RBFOX1: variants seen among roughly 807,000 people sequenced by gnomAD.
RBFOX1 encodes RNA binding fox-1 homolog 1, also known as RNA binding protein fox-1 homolog 1.
A neutral mutation model predicts 57.7 loss-of-function variants in RBFOX1; 8 were observed. The observed-to-expected ratio is 0.14, with a 90% confidence interval of 0.08 to 0.25. RBFOX1 has a LOEUF of 0.25. RBFOX1 is among the 10% of genes least tolerant of loss of function. The probability of loss-of-function intolerance (pLI) is 1.00; values close to 1 mark genes in which losing one functional copy is unlikely to be tolerated. For missense variants in RBFOX1, 611 were observed against 548.5 expected (o/e 1.11, Z -1.14); for synonymous variants, 326 against 222.4 (o/e 1.47, Z -4.15).
intron 1 of RBFOX1, among the ~76,000 whole-genome samples, chr16:6,041,903 G>A (rs962227698): frequency 1.3e-5 from 2 of 152,108 alleles, no homozygotes; most frequent in Non-Finnish European, 2.9e-5. Flanking sequence ...AACCCAGTGT[G>A]TTCTCACTTG....
At chr16:6,882,377 C>G (rs1373488291) in intron 3 of RBFOX1, among the ~76,000 whole-genome samples, 1 of 152,050 alleles carries the variant, frequency 6.6e-6, no homozygotes, top group South Asian at 2.1e-4. Context: ...GTCACCTAAC[C>G]TCTCTGATTC....
chr16:5,791,973 A>G (rs2054715592), intron 3 of RBFOX1, among the ~76,000 whole-genome samples: 1 of 152,118 alleles, frequency 6.6e-6, no homozygotes, highest in African/African-American at 2.4e-5. Flanking sequence ...GGTCCTTTGT[A>G]CACCAGAGAC....
At chr16:6,847,817 T>G (rs1405393707) in intron 3 of RBFOX1, among the ~76,000 whole-genome samples, 2 of 152,000 alleles carry the variant, frequency 1.3e-5, no homozygotes, top group Non-Finnish European at 2.9e-5. Context: ...TGAAAAAAAT[T>G]ATTCCCACCA....
chr16:7,413,179 A>G (rs1466665663), intron 4 of RBFOX1, among the ~76,000 whole-genome samples: 1 of 152,240 alleles, frequency 6.6e-6, no homozygotes, highest in African/African-American at 2.4e-5. Context: ...TTCCTTTCAT[A>G]ACACCAGCTT....
chr16:5,670,554 A>G (rs962642785), intron 3 of RBFOX1, among the ~76,000 whole-genome samples: 1 of 152,202 alleles, frequency 6.6e-6, no homozygotes, highest in South Asian at 2.1e-4. Flanking sequence ...AAGTTTCTGC[A>G]CTGTGATACT....
chr16:6,425,948 C>A (rs1298176328), intron 2 of RBFOX1, among the ~76,000 whole-genome samples: 1 of 152,112 alleles, frequency 6.6e-6, no homozygotes. Context: ...CAACCCCTCC[C>A]CATTTACCCC....
At chr16:5,440,869 G>T (rs779340326) in intron 1 of RBFOX1, among the ~76,000 whole-genome samples, 8 of 152,160 alleles carry the variant, frequency 5.3e-5, no homozygotes, top group Non-Finnish European at 7.3e-5. Context: ...ACTATTTGAG[G>T]CTATTGAGGT....
chr16:6,099,289 G>T (rs1180579644), intron 1 of RBFOX1, among the ~76,000 whole-genome samples: 1 of 152,122 alleles, frequency 6.6e-6, no homozygotes, highest in Non-Finnish European at 1.5e-5. Flanking sequence ...GTGGTTCATT[G>T]GTGTATAGAT....
At chr16:7,575,373 T>G (rs1054232701) in intron 5 of RBFOX1, among the ~76,000 whole-genome samples, 16 of 152,098 alleles carry the variant, frequency 1.1e-4, no homozygotes, top group African/African-American at 3.9e-4. Context: ...TACCTCATGA[T>G]CTGCCCCGCT....
At chr16:6,997,539 CAG>C (rs1175592441) in intron 3 of RBFOX1, among the ~76,000 whole-genome samples, 7 of 152,162 alleles carry the variant, frequency 4.6e-5, no homozygotes, top group Non-Finnish European at 5.9e-5. Context: ...CAATTTCCCA[CAG>C]AGTTTAATGT....
At chr16:6,481,457 G>T (rs904569475) in intron 2 of RBFOX1, among the ~76,000 whole-genome samples, 58 of 152,248 alleles carry the variant, frequency 3.8e-4, no homozygotes, top group African/African-American at 1.3e-3. Flanking sequence ...ATTAGGGCTT[G>T]CTGTCTCTCC....
rs181419563 is a variant in RBFOX1, at chr16:5,732,444, T to G, written c.318+133483T>G. ...CAGTATGATTGTCTCTCCAAGAGAT[T>G]CAAACTGCAGAACAGGAGCGAGTTG... On this transcript the variant is annotated intron_variant, in intron 3 of 19. Transcript: ENST00000641259. Among the ~76,000 whole-genome samples, 5 of 152,164 alleles carry G rather than the reference T, an allele frequency of 3.3e-5. No individual in the cohort carries two copies. In the South Asian group the frequency reaches 8.3e-4, roughly 25 times the overall value.
At chr16:6,834,166 C>G (rs1312555114) in intron 3 of RBFOX1, among the ~76,000 whole-genome samples, 2 of 152,034 alleles carry the variant, frequency 1.3e-5, no homozygotes, top group Admixed American at 6.6e-5. Context: ...CTCCGCCTCC[C>G]CAGTTCAAGT....
At chr16:6,578,405 G>A (rs140991293) in intron 2 of RBFOX1, among the ~76,000 whole-genome samples, 19 of 152,296 alleles carry the variant, frequency 1.2e-4, no homozygotes, top group African/African-American at 4.1e-4. Context: ...GATGGACGGT[G>A]TTCTCATCCA....
intron 4 of RBFOX1, among the ~76,000 whole-genome samples, chr16:7,433,475 G>T (rs2098698291): frequency 6.6e-6 from 1 of 152,210 alleles, no homozygotes; most frequent in African/African-American, 2.4e-5. Flanking sequence ...CAAAACAGTG[G>T]ACTGAGTCCA....
intron 3 of RBFOX1, among the ~76,000 whole-genome samples, chr16:6,957,824 C>G (rs2082186226): frequency 6.6e-6 from 1 of 152,074 alleles, no homozygotes; most frequent in Non-Finnish European, 1.5e-5. Context: ...TTCACACAGC[C>G]TCTTTGTGTA....
At position 7,395,175 on chromosome 16, in the gene RBFOX1, T is replaced by C. The variant is rs531956123; in HGVS notation, c.28-122972T>C. Among the ~76,000 whole-genome samples, 26 of 151,988 alleles carry C rather than the reference T, an allele frequency of 1.7e-4. No homozygotes were observed. In the South Asian group the frequency reaches 3.8e-3, roughly 22 times the overall value. On this transcript the variant is annotated intron_variant, in intron 4 of 15. Transcript: ENST00000550418. ...TCCAAGTGTGGATTTTTTTTTTTTT[T>C]CCCTGACAGCCAAGACCTAACTCTT...
intron 4 of RBFOX1, among the ~76,000 whole-genome samples, chr16:7,339,663 C>T (rs564656666): frequency 4.6e-5 from 7 of 152,318 alleles, no homozygotes; most frequent in Non-Finnish European, 8.8e-5. Context: ...TGGTCTTGAA[C>T]TCCTGACCTC....
chr16:5,548,226 G>A (rs1467402758), intron 2 of RBFOX1, among the ~76,000 whole-genome samples: 1 of 138,242 alleles, frequency 7.2e-6, no homozygotes, highest in Non-Finnish European at 1.6e-5. Flanking sequence ...ACTACTGGTG[G>A]GGGAGAAAGG....
Sources: allele counts gnomAD v4.1 joint callset (sites outside exome capture counted in the v4.1 genomes callset), GRCh38; gene constraint gnomAD v4.1.1; transcripts MANE v1.5; gene names NCBI Gene and HGNC (gene_info 2026-07-23, HGNC 2026-07-21).